Variants in TNFRSF21 observed in about 807,000 individuals in gnomAD.
The protein encoded by TNFRSF21 is tumor necrosis factor receptor superfamily member 21.
In TNFRSF21, 19 loss-of-function variants were observed where a neutral mutation model predicts 45.6. That is an observed-to-expected ratio of 0.42 (90% confidence interval 0.29 to 0.61). The LOEUF (loss-of-function observed/expected upper bound fraction) is 0.61. Ranked by LOEUF, TNFRSF21 falls within the 20% of genes least tolerant of loss-of-function variation. The pLI is 0.23. For missense variants in TNFRSF21, 737 were observed against 851.5 expected (o/e 0.87, Z 1.67); for synonymous variants, 314 against 335.5 (o/e 0.94, Z 0.70).
chr6:47,287,307 C>CAAAAAAAAAAAAAA (rs1164380285), intron 1 of TNFRSF21, among the ~76,000 whole-genome samples: 3 of 20,872 alleles, frequency 1.4e-4, no homozygotes, highest in Non-Finnish European at 2.3e-4. Flanking sequence ...AACTCTTTCT[C>CAAAAAAAAAAAAAA]AAAAAAAAAA....
At chr6:47,261,700 T>A (rs923171499) in intron 3 of TNFRSF21, among the ~76,000 whole-genome samples, 1 of 152,202 alleles carries the variant, frequency 6.6e-6, no homozygotes, top group Admixed American at 6.5e-5. Context: ...TACGTCCACT[T>A]TAGTGGCCAG....
At chr6:47,304,583 C>A (rs1762913047) in intron 1 of TNFRSF21, among the ~76,000 whole-genome samples, 1 of 152,200 alleles carries the variant, frequency 6.6e-6, no homozygotes, top group African/African-American at 2.4e-5. Flanking sequence ...CTTCAAACTG[C>A]CCCAGAATAT....
intron 1 of TNFRSF21, among the ~76,000 whole-genome samples, chr6:47,288,013 G>C (rs996277939): frequency 1.3e-5 from 2 of 152,166 alleles, no homozygotes; most frequent in Middle Eastern, 3.2e-3. Flanking sequence ...AGTTGAAAAT[G>C]TATACGCTAT....
chr6:47,249,486 G>C (rs1199937417), intron 4 of TNFRSF21, among the ~76,000 whole-genome samples: 1 of 152,086 alleles, frequency 6.6e-6, no homozygotes, highest in Non-Finnish European at 1.5e-5. Flanking sequence ...GAAAAACAGA[G>C]TTTACTGCTG....
intron 1 of TNFRSF21, among the ~76,000 whole-genome samples, chr6:47,293,001 C>T (rs1310224967): frequency 6.6e-6 from 1 of 152,194 alleles, no homozygotes; most frequent in Non-Finnish European, 1.5e-5. Context: ...TCACCTCTAA[C>T]CCTCTAAGTG....
chr6:47,250,453 A>T (rs1764885539), intron 4 of TNFRSF21, among the ~76,000 whole-genome samples: 1 of 152,252 alleles, frequency 6.6e-6, no homozygotes, highest in Non-Finnish European at 1.5e-5. Context: ...TCAGACTCTG[A>T]ATGGGTTTAA....
rs974795369 is a variant in TNFRSF21 at position 47,232,563 on chromosome 6, T to TAA, written c.*200_*201dup. ...AAACCAACTTCCCAGAAGAGTTATT[T>TAA]AAAAAAAAAAGAGAGAGAGAGAAGG... On this transcript the variant is annotated 3_prime_UTR_variant, in exon 6 of 6. Coordinates refer to ENST00000296861, the MANE Select transcript of TNFRSF21 (RefSeq NM_014452.5). 5 of 498,698 alleles carry TAA rather than the reference T, an allele frequency of 1.0e-5. No individual in the cohort carries two copies. The highest frequency in any genetic ancestry group is 3.3e-5 in the East Asian group (1 of 30,050). 30.9% of individuals were successfully genotyped at this position (498,698 alleles called of 1,614,324 possible).
intron 3 of TNFRSF21, among the ~76,000 whole-genome samples, chr6:47,283,439 T>C (rs1251877364): frequency 6.6e-6 from 1 of 152,196 alleles, no homozygotes; most frequent in African/African-American, 2.4e-5. Context: ...ACGAAATTGT[T>C]AGGAATCTAA....
At chr6:47,249,324 G>A (rs552302080) in intron 4 of TNFRSF21, among the ~76,000 whole-genome samples, 10 of 152,284 alleles carry the variant, frequency 6.6e-5, no homozygotes, top group South Asian at 2.1e-4. Context: ...ACATCCTCTC[G>A]TTTGCTGGTT....
chr6:47,269,120 C>T (rs751905762), intron 3 of TNFRSF21, among the ~76,000 whole-genome samples: 8 of 152,082 alleles, frequency 5.3e-5, no homozygotes, highest in Non-Finnish European at 1.2e-4. Flanking sequence ...CCCTTCCTTC[C>T]TGTGCCTCAG....
chr6:47,263,907 A>G (rs1449899116), intron 3 of TNFRSF21, among the ~76,000 whole-genome samples: 1 of 152,198 alleles, frequency 6.6e-6, no homozygotes, highest in Non-Finnish European at 1.5e-5. Context: ...GGTTTTTTAT[A>G]CTTATAAATT....
At position 47,232,896 on chromosome 6, in the gene TNFRSF21, G is replaced by T; in HGVS notation, c.1837C>A (p.Arg613=). 6.2e-7 allele frequency: 1 copy of T among 1,614,012 alleles called. No homozygotes were observed. The highest frequency in any genetic ancestry group is 8.5e-7 in the Non-Finnish European group (1 of 1,180,004). ...MLHFLNPEEL[R]VIEEIPQAED... is the part of the protein sequence containing the mutation. ...GCCTGGGGAATCTCTTCAATCACCC[G>T]CAGCTCCTCAGGATTTAGAAAGTGG... Residue 613 remains arginine, a synonymous_variant, in exon 6 of 6, where the codon CGG becomes AGG. Coordinates refer to ENST00000296861, the MANE Select transcript of TNFRSF21 (RefSeq NM_014452.5).
chr6:47,295,536 T>C (rs1463224345), intron 1 of TNFRSF21, among the ~76,000 whole-genome samples: 1 of 152,184 alleles, frequency 6.6e-6, no homozygotes, highest in Non-Finnish European at 1.5e-5. Context: ...ATTCCTGAGA[T>C]GGTGAATCTA....
Position 47,284,053 on chromosome 6 carries a change from A to G in TNFRSF21, c.1128T>C (p.Thr376=), listed in dbSNP as rs774128715. ...VVCSIRKSSR[T]LKKGPRQDPS... is the part of the protein sequence containing the mutation. The stretch of plus-strand genomic sequence containing the variant: ...GATCCTGCCGGGGCCCCTTTTTCAG[A>G]GTCCTCGAGCTTTTCCGGATACTGC... Residue 376 remains threonine, a synonymous_variant, in exon 3 of 6, where the codon ACT becomes ACC. Transcript: ENST00000296861. The G allele has an allele frequency of 1.2e-6, 2 of 1,614,178 alleles. No homozygotes were observed. Among genetic ancestry groups the G allele is most frequent in the Non-Finnish European group, 8.5e-7 (1 of 1,180,028 alleles).
At chr6:47,271,135 G>A (rs1762413200) in intron 3 of TNFRSF21, among the ~76,000 whole-genome samples, 1 of 152,140 alleles carries the variant, frequency 6.6e-6, no homozygotes, top group Non-Finnish European at 1.5e-5. Flanking sequence ...TACCAAGGCA[G>A]GCCAACATTC....
chr6:47,300,882 C>G (rs1762857057), intron 1 of TNFRSF21, among the ~76,000 whole-genome samples: 1 of 152,158 alleles, frequency 6.6e-6, no homozygotes, highest in Non-Finnish European at 1.5e-5. Flanking sequence ...TTAATAGATG[C>G]CCCATAAATT....
Position 47,276,982 on chromosome 6 carries a change from GGTTTTGTTTT to G in TNFRSF21, c.1243+6946_1243+6955del, listed in dbSNP as rs952968247. Among the ~76,000 whole-genome samples the G allele has an allele frequency of 8.6e-5, 13 of 151,948 alleles. No individual in the cohort carries two copies. In the East Asian group the frequency reaches 1.5e-3, roughly 18 times the overall value. The stretch of plus-strand genomic sequence containing the variant: ...GCTCCTACCTAAGTACAGTTTTTTT[GGTTTTGTTTT>G]GTTTTGTTTTGTTTTTTTGAGATGG... On this transcript the variant is annotated intron_variant, in intron 3 of 5. Coordinates refer to ENST00000296861, the MANE Select transcript of TNFRSF21 (RefSeq NM_014452.5).
intron 1 of TNFRSF21, among the ~76,000 whole-genome samples, chr6:47,296,613 T>C (rs1161090566): frequency 1.3e-5 from 2 of 152,130 alleles, no homozygotes; most frequent in African/African-American, 2.4e-5. Flanking sequence ...GTTGAGCTGA[T>C]CACCAATGGC....
At chr6:47,302,530 C>T (rs1379591236) in intron 1 of TNFRSF21, among the ~76,000 whole-genome samples, 1 of 152,212 alleles carries the variant, frequency 6.6e-6, no homozygotes, top group African/African-American at 2.4e-5. Flanking sequence ...ATCTTTCCAT[C>T]TTAGCGATGG....
Sources: gnomAD v4.1 joint callset for allele counts (sites outside exome capture counted in the v4.1 genomes callset) on GRCh38, gnomAD v4.1.1 for gene constraint, MANE v1.5 for transcripts, NCBI Gene and HGNC (gene_info 2026-07-23, HGNC 2026-07-21) for gene names.